Variants in IPO11 observed in about 807,000 individuals in gnomAD.
The protein encoded by IPO11 is importin-11.
Under a neutral mutation model 143.2 loss-of-function variants are expected in IPO11, and 66 were observed. The ratio of observed to expected loss-of-function variants is 0.46; its 90% CI spans 0.38 to 0.57. IPO11 has a LOEUF of 0.57. Among genes scored for constraint, IPO11 ranks in the 20% least tolerant of loss-of-function variants. The pLI, the probability that IPO11 is intolerant of heterozygous loss-of-function variation, is 0.00. For missense variants in IPO11, 1,026 were observed against 1,141.0 expected (o/e 0.90, Z 1.45); for synonymous variants, 385 against 377.8 (o/e 1.02, Z -0.22).
intron 19 of IPO11, among the ~76,000 whole-genome samples, chr5:62,509,776 T>A (rs1204500237): frequency 6.6e-6 from 1 of 152,232 alleles, no homozygotes; most frequent in Non-Finnish European, 1.5e-5. Context: ...ATACCACATG[T>A]TCTTTATCCA....
intron 24 of IPO11, among the ~76,000 whole-genome samples, chr5:62,538,498 C>T (rs1353131278): frequency 6.6e-6 from 1 of 152,144 alleles, no homozygotes; most frequent in Non-Finnish European, 1.5e-5. Context: ...CTCACGAGAT[C>T]TGATTGTTTT....
chr5:62,514,602 A>ATGGGAG (rs1561343906), intron 19 of IPO11, among the ~76,000 whole-genome samples: 950 of 60,662 alleles, frequency 0.016, 29 homozygotes, highest in African/African-American at 0.06. Flanking sequence ...GGAGAGGGAG[A>ATGGGAG]CGGGAGAGGG....
intron 26 of IPO11, among the ~76,000 whole-genome samples, chr5:62,553,988 C>T (rs1438052909): frequency 1.3e-5 from 2 of 152,158 alleles, no homozygotes; most frequent in Non-Finnish European, 2.9e-5. Context: ...GCCTCGGCCT[C>T]CCAAAGTGCT....
At chr5:62,591,510 G>GAA in intron 27 of IPO11, 67 bp from the exon 28 acceptor site, 117 of 788,154 alleles carry the variant, frequency 1.5e-4, no homozygotes, top group South Asian at 2.3e-4. Context: ...AGATGTTTAG[G>GAA]AAAAAAAAAA....
At chr5:62,484,550 G>GTT (rs1297285419) in intron 11 of IPO11, among the ~76,000 whole-genome samples, 46 of 133,904 alleles carry the variant, frequency 3.4e-4, no homozygotes, top group African/African-American at 8.1e-4. Context: ...TTGATGAATA[G>GTT]TTTTTTTTTT....
intron 24 of IPO11, among the ~76,000 whole-genome samples, chr5:62,547,772 T>G (rs898647602): frequency 1.3e-5 from 2 of 152,142 alleles, no homozygotes; most frequent in Non-Finnish European, 2.9e-5. Flanking sequence ...ACTGTAAAGA[T>G]TCCTATGGAT....
intron 1 of IPO11, among the ~76,000 whole-genome samples, chr5:62,423,148 C>T (rs944718118): frequency 3.3e-5 from 5 of 152,080 alleles, no homozygotes; most frequent in African/African-American, 4.8e-5. Flanking sequence ...TTTTTTTCAG[C>T]CATTCAGCAC....
chr5:62,472,466 A>G (rs1243963900), intron 7 of IPO11, among the ~76,000 whole-genome samples: 3 of 152,118 alleles, frequency 2.0e-5, no homozygotes, highest in South Asian at 2.1e-4. Flanking sequence ...AATTAAGTAC[A>G]TCAGTCAATT....
chr5:62,560,958 T>A, intron 26 of IPO11, 178 bp from the exon 27 acceptor site: 1 of 451,192 alleles, frequency 2.2e-6, no homozygotes. Flanking sequence ...CAGTTTCTGG[T>A]TTTGCTCAAA....
chr5:62,579,595 A>T, intron 27 of IPO11: 1 of 1,551,104 alleles, frequency 6.4e-7, no homozygotes, highest in African/African-American at 1.4e-5. Context: ...AGGCCTTTCG[A>T]GTATTCCTAA....
intron 25 of IPO11, among the ~76,000 whole-genome samples, 183 bp downstream of exon 25, chr5:62,550,645 T>A (rs1743357305): frequency 6.6e-6 from 1 of 152,208 alleles, no homozygotes; most frequent in African/African-American, 2.4e-5. Flanking sequence ...ATAGATTTTC[T>A]TTGACATGTG....
chr5:62,479,990 T>A (rs1239908568), intron 9 of IPO11, among the ~76,000 whole-genome samples: 1 of 152,200 alleles, frequency 6.6e-6, no homozygotes, highest in East Asian at 1.9e-4. Flanking sequence ...TTGCTTTTAG[T>A]GTTTTAGTCA....
chr5:62,515,320 GT>G, intron 19 of IPO11, 67 bp from the exon 20 acceptor site: 1 of 1,001,196 alleles, frequency 1.0e-6, no homozygotes, highest in South Asian at 1.5e-5. Flanking sequence ...TGCTCTCATT[GT>G]TTTTCAAAGT....
intron 7 of IPO11, among the ~76,000 whole-genome samples, chr5:62,472,925 A>AAT (rs1489981458): frequency 7.9e-5 from 12 of 152,344 alleles, no homozygotes; most frequent in African/African-American, 2.9e-4. Context: ...CACAGTGATA[A>AAT]TGATGGCTTT....
intron 27 of IPO11, chr5:62,581,479 T>C (rs1258905033): frequency 3.4e-6 from 2 of 581,646 alleles, no homozygotes; most frequent in African/African-American, 3.9e-5. Flanking sequence ...AGCAAATATT[T>C]TCTTTGATAT....
intron 3 of IPO11, chr5:62,443,337 C>T: frequency 5.8e-6 from 2 of 342,652 alleles, no homozygotes; most frequent in Non-Finnish European, 1.0e-5. Context: ...TAGGTAATGA[C>T]AAATCAACAG....
At chr5:62,420,291 C>CA (rs1187591087) in intron 1 of IPO11, among the ~76,000 whole-genome samples, 1,291 of 68,738 alleles carry the variant, frequency 0.019, 12 homozygotes, top group Non-Finnish European at 0.025. Flanking sequence ...AGCTCCGTCT[C>CA]AAAAAAAAAA....
At chr5:62,586,760 A>ATAT (rs1233897638) in intron 27 of IPO11, among the ~76,000 whole-genome samples, 32 of 81,544 alleles carry the variant, frequency 3.9e-4, no homozygotes, top group Non-Finnish European at 6.9e-4. Context: ...TCCAAAAAAA[A>ATAT]AAAAAAAAAT....
intron 5 of IPO11, among the ~76,000 whole-genome samples, chr5:62,464,925 C>G (rs551643054): frequency 6.6e-6 from 1 of 152,158 alleles, no homozygotes; most frequent in Non-Finnish European, 1.5e-5. Flanking sequence ...TAAAATTACT[C>G]AAAATGTCGT....
Sources: gnomAD v4.1 joint callset for allele counts (sites outside exome capture counted in the v4.1 genomes callset) on GRCh38, gnomAD v4.1.1 for gene constraint, MANE v1.5 for transcripts, NCBI Gene and HGNC (gene_info 2026-07-23, HGNC 2026-07-21) for gene names.